PRKAR1B: variants seen among roughly 807,000 people sequenced by gnomAD.
PRKAR1B encodes cAMP-dependent protein kinase type I-beta regulatory subunit.
Under a neutral mutation model 46.5 loss-of-function variants are expected in PRKAR1B, and 22 were observed. The observed-to-expected ratio is 0.47, with a 90% CI of 0.34 to 0.68. The LOEUF is 0.68. Among genes scored for constraint, PRKAR1B ranks in the 30% least tolerant of loss-of-function variants. The pLI is 0.01. For synonymous variants in PRKAR1B, 259 were observed against 217.7 expected, an observed-to-expected ratio of 1.19 and a Z score of -1.67; for missense variants, 445 against 535.6, an observed-to-expected ratio of 0.83 and a Z score of 1.67.
intron 4 of PRKAR1B, among the ~76,000 whole-genome samples, chr7:664,493 G>A (rs1381449281): frequency 6.6e-6 from 1 of 152,216 alleles, no homozygotes; most frequent in Non-Finnish European, 1.5e-5. Flanking sequence ...CAGAGGCCAC[G>A]TGCAGCATCT....
Position 726,379 on chromosome 7 carries a change from T to C in PRKAR1B, c.-23+831A>G, listed in dbSNP as rs79215835. On this transcript the variant is annotated intron_variant, in intron 1 of 10. Coordinates refer to ENST00000537384, the MANE Select transcript of PRKAR1B (RefSeq NM_001164760.2). ...CTACCCTGGTCCCAGGCGGGACCAC[T>C]CAGGTTCCTTCTCCAAGCCCCCTAG... Among the ~76,000 whole-genome samples the C allele has an allele frequency of 0.19, 29,553 of 151,960 alleles. 3,084 individuals carry two copies. The highest frequency in any genetic ancestry group is 0.33 in the Middle Eastern group (98 of 294).
chr7:672,978 G>A (rs1047746155), intron 4 of PRKAR1B, among the ~76,000 whole-genome samples: 9 of 149,822 alleles, frequency 6.0e-5, no homozygotes, highest in East Asian at 2.0e-4. Flanking sequence ...ACGGAAGGCC[G>A]AGGCTGCAGT....
Position 680,654 on chromosome 7 carries a change from G to A in PRKAR1B, c.250C>T (p.Pro84Ser), listed in dbSNP as rs1018426691. ...QSDSHDEEVS[P>S]TPPNPVVKAR... Reference sequence around the variant, plus strand: ...TTCACCACAGGGTTCGGGGGGGTGGGCGACACCTCCTCATCATGGGAGTCC... The same window carrying A: ...TTCACCACAGGGTTCGGGGGGGTGGACGACACCTCCTCATCATGGGAGTCC... Residue 84 changes from proline to serine, a missense_variant, in exon 3 of 11, where the codon CCC becomes TCC. Pro to Ser is a moderately conservative substitution (Grantham distance 74). Coordinates refer to ENST00000537384, the MANE Select transcript of PRKAR1B (RefSeq NM_001164760.2). 6.2e-7 allele frequency: 1 copy of A among 1,613,188 alleles called. No individual in the cohort carries two copies. The highest frequency in any genetic ancestry group is 8.5e-7 in the Non-Finnish European group (1 of 1,179,678).
At chr7:636,062 ACGTCCTC>A (rs1784050366) in intron 4 of PRKAR1B, among the ~76,000 whole-genome samples, 1 of 20,660 alleles carries the variant, frequency 4.8e-5, no homozygotes, top group Non-Finnish European at 9.2e-5. Context: ...CCGCGCCCAC[ACGTCCTC>A]CACCGGCCGC....
intron 2 of PRKAR1B, among the ~76,000 whole-genome samples, chr7:692,612 C>T (rs115563435): frequency 0.012 from 1,888 of 152,256 alleles, 37 homozygotes; most frequent in African/African-American, 0.042. Context: ...GCTCCCCTGA[C>T]GGCAGTGCAA....
chr7:663,430 T>A (rs529002900), intron 4 of PRKAR1B, among the ~76,000 whole-genome samples: 1 of 152,142 alleles, frequency 6.6e-6, no homozygotes, highest in East Asian at 1.9e-4. Flanking sequence ...AGAGATGGGG[T>A]CTTGCTATGC....
intron 1 of PRKAR1B, chr7:726,601 C>G (rs1386938098): frequency 1.3e-6 from 1 of 769,028 alleles, no homozygotes; most frequent in Admixed American, 4.4e-5. Flanking sequence ...CCCACGTGCG[C>G]ACCGGCGGGG....
At chr7:716,921 T>C (rs1169449873) in intron 1 of PRKAR1B, 1 of 152,184 alleles carries the variant, frequency 6.6e-6, no homozygotes, top group East Asian at 1.9e-4. Context: ...TAGGTGGATA[T>C]ACGAGGAATG....
intron 4 of PRKAR1B, among the ~76,000 whole-genome samples, chr7:664,927 CAAA>C (rs985448797): frequency 1.3e-5 from 2 of 151,992 alleles, no homozygotes; most frequent in African/African-American, 2.4e-5. Flanking sequence ...AAAACAAAAA[CAAA>C]AATCTCAGGG....
At chr7:595,120 C>T (rs1336680744) in intron 7 of PRKAR1B, among the ~76,000 whole-genome samples, 1 of 152,198 alleles carries the variant, frequency 6.6e-6, no homozygotes, top group Non-Finnish European at 1.5e-5. Flanking sequence ...TGGAGCCCTC[C>T]CCGCCCTCTC....
In PRKAR1B at chr7:593,878, G is replaced by C. The variant is rs947113571; in HGVS notation, c.708+2268C>G. Among the ~76,000 whole-genome samples, 3 of 152,180 alleles carry C rather than the reference G, an allele frequency of 2.0e-5. No individual in the cohort carries two copies. Among genetic ancestry groups the C allele is most frequent in the African/African-American group, 7.2e-5 (3 of 41,454 alleles). ...CAGGTGCATAAATGAGAAGCTCATG[G>C]GGTGCAGAATCTGATGAAACAGCCG... On this transcript the variant is annotated intron_variant, in intron 7 of 10. Coordinates refer to ENST00000537384, the MANE Select transcript of PRKAR1B (RefSeq NM_001164760.2). The surrounding 1 kb of genome is among the most constrained non-coding windows in gnomAD (Gnocchi z 6.1).
chr7:687,806 G>C (rs1381036000), intron 2 of PRKAR1B, among the ~76,000 whole-genome samples: 1 of 152,156 alleles, frequency 6.6e-6, no homozygotes, highest in Non-Finnish European at 1.5e-5. Context: ...AGAAAAAAAG[G>C]CATTACCGGC....
In PRKAR1B at chr7:714,251, C is replaced by G. The variant is rs1310807103; in HGVS notation, c.-22-2724G>C. 1.3e-5 allele frequency among the ~76,000 whole-genome samples: 2 copies of G among 152,184 alleles called. No individual in the cohort carries two copies. The highest frequency in any genetic ancestry group is 4.8e-5 in the African/African-American group (2 of 41,442). On this transcript the variant is annotated intron_variant, in intron 1 of 10. Transcript: ENST00000537384. This position sits in a 1 kb window ranked among gnomAD's most constrained non-coding sequence, Gnocchi z 4.3. ...TGTCCTGGGGTTCTCTGGAGACTCCCTGTAAAGACTTCCCCCACACCGTGC... is the reference window on the plus strand; with the variant it reads ...TGTCCTGGGGTTCTCTGGAGACTCCGTGTAAAGACTTCCCCCACACCGTGC...
At chr7:559,435 C>T (rs184454882) in intron 9 of PRKAR1B, among the ~76,000 whole-genome samples, 1 of 152,308 alleles carries the variant, frequency 6.6e-6, no homozygotes, top group Admixed American at 6.5e-5. Context: ...GGATCTGCTC[C>T]GTCTCAGGGC....
upstream of PRKAR1B, chr7:727,430 A>G (rs1048332142): frequency 2.8e-6 from 1 of 352,260 alleles, no homozygotes; most frequent in Non-Finnish European, 4.0e-6. Context: ...CCACGCCCGC[A>G]CCCCCCAACA....
At chr7:674,622 C>T (rs1171346658) in intron 4 of PRKAR1B, among the ~76,000 whole-genome samples, 1 of 152,088 alleles carries the variant, frequency 6.6e-6, no homozygotes, top group African/African-American at 2.4e-5. Context: ...CACCCAGCTA[C>T]TCCAGCAACA....
chr7:701,342 AAAAG>A (rs142408909), intron 2 of PRKAR1B, among the ~76,000 whole-genome samples: 1,630 of 123,860 alleles, frequency 0.013, 31 homozygotes, highest in African/African-American at 0.038. Context: ...AAAGAAAAGA[AAAAG>A]AAAGAAAGAA....
At chr7:632,140 C>G (rs1156978546) in intron 4 of PRKAR1B, among the ~76,000 whole-genome samples, 4 of 152,222 alleles carry the variant, frequency 2.6e-5, no homozygotes. Context: ...CTGGGGGGAG[C>G]AGGTGCTGGC....
chr7:601,188 C>T (rs1781571496), intron 6 of PRKAR1B, among the ~76,000 whole-genome samples: 1 of 152,226 alleles, frequency 6.6e-6, no homozygotes. Context: ...ACGGCCGTCC[C>T]TTCCCGCCAC....
Sources: gnomAD v4.1 joint callset for allele counts (sites outside exome capture counted in the v4.1 genomes callset) on GRCh38, gnomAD v4.1.1 for gene constraint, Gnocchi (gnomAD v3.1) non-coding constraint, MANE v1.5 for transcripts, NCBI Gene and HGNC (gene_info 2026-07-23, HGNC 2026-07-21) for gene names.